HTRA1: variants seen among roughly 807,000 people sequenced by gnomAD.
HTRA1 encodes serine protease HTRA1.
HTRA1 carries 26 observed loss-of-function variants against 49.7 expected under a neutral mutation model. The ratio of observed to expected loss-of-function variants is 0.52; its 90% CI spans 0.38 to 0.73. The LOEUF is 0.73. Ranked by LOEUF, HTRA1 falls within the 30% of genes least tolerant of loss-of-function variation. HTRA1 has a pLI of 0.00. For synonymous variants in HTRA1, 291 were observed against 286.9 expected (o/e 1.01, Z -0.14); for missense variants, 561 against 667.2 (o/e 0.84, Z 1.75).
chr10:122,499,844 A>G (rs1362776119), intron 3 of HTRA1, among the ~76,000 whole-genome samples: 2 of 152,258 alleles, frequency 1.3e-5, no homozygotes, highest in African/African-American at 2.4e-5. Flanking sequence ...CAGTTGCTGC[A>G]ATGTTAGCCT....
At chr10:122,484,562 G>A (rs2097492321) in intron 1 of HTRA1, among the ~76,000 whole-genome samples, 1 of 152,220 alleles carries the variant, frequency 6.6e-6, no homozygotes, top group East Asian at 1.9e-4. Context: ...AGCTGCCACT[G>A]AGCAGCACTG....
intron 4 of HTRA1, 100 bp from the exon 5 acceptor site, chr10:122,507,270 C>G (rs1320538848): frequency 1.5e-5 from 14 of 928,804 alleles, no homozygotes; most frequent in Non-Finnish European, 2.5e-5. Context: ...AATCGTGCCC[C>G]CCACTCTAGG....
chr10:122,511,830 A>T, intron 7 of HTRA1, 140 bp from the exon 8 acceptor site: 1 of 671,980 alleles, frequency 1.5e-6, no homozygotes. Flanking sequence ...GGCAATTTTA[A>T]TTTTAAAATA....
intron 1 of HTRA1, among the ~76,000 whole-genome samples, chr10:122,473,943 T>C (rs1051623316): frequency 6.6e-6 from 1 of 152,200 alleles, no homozygotes; most frequent in African/African-American, 2.4e-5. Context: ...TTTTAAGGGA[T>C]ACAGGGAGAC....
chr10:122,489,012 C>A lies in HTRA1; in HGVS notation c.572+11C>A, dbSNP rs751034731. ...CGAATTGTTTCGCAAGTAAAGAGAGCCTTCCTTTTTCCTATAACCTCCGAA... is the reference window on the plus strand; with the variant it reads ...CGAATTGTTTCGCAAGTAAAGAGAGACTTCCTTTTTCCTATAACCTCCGAA... On this transcript the variant is annotated intron_variant, in intron 2 of 8. Transcript: ENST00000368984. 2 of 1,594,904 alleles carry A rather than the reference C, an allele frequency of 1.3e-6. No individual in the cohort carries two copies. The highest frequency in any genetic ancestry group is 1.7e-6 in the Non-Finnish European group (2 of 1,162,422).
intron 1 of HTRA1, among the ~76,000 whole-genome samples, chr10:122,484,978 C>A (rs1002450643): frequency 6.6e-6 from 1 of 152,220 alleles, no homozygotes; most frequent in East Asian, 1.9e-4. Context: ...AGACAGTTGA[C>A]CCACAGTTGA....
chr10:122,492,580 T>C (rs2097496376), intron 3 of HTRA1, among the ~76,000 whole-genome samples: 1 of 152,182 alleles, frequency 6.6e-6, no homozygotes. Flanking sequence ...GTGATCCACC[T>C]GCCTCAGCCT....
chr10:122,514,861 G>T lies in HTRA1; in HGVS notation c.*502G>T. On this transcript the variant is annotated 3_prime_UTR_variant, in exon 9 of 9. Transcript: ENST00000368984. ...TTTAGGAATCTCTTTGGAATTGGGA[G>T]CACGATGACTCTGAGTTTGAGCTAT... 1 of 195,248 alleles carries T rather than the reference G, an allele frequency of 5.1e-6. No individual in the cohort carries two copies. The highest frequency in any genetic ancestry group is 1.1e-5 in the Non-Finnish European group (1 of 93,944). The allele number at this position is 195,248 out of a possible 1,614,324, so 12.1% of individuals were successfully genotyped here. A position where few individuals can be genotyped will look rare whatever the true frequency, so the allele number is the denominator to read the frequency against.
chr10:122,497,922 A>G (rs1472943615), intron 3 of HTRA1, among the ~76,000 whole-genome samples: 1 of 152,210 alleles, frequency 6.6e-6, no homozygotes, highest in East Asian at 1.9e-4. Flanking sequence ...CTTGACCAAG[A>G]CAATATTATT....
intron 1 of HTRA1, among the ~76,000 whole-genome samples, chr10:122,476,908 C>A (rs2097488736): frequency 6.6e-6 from 1 of 151,866 alleles, no homozygotes; most frequent in Admixed American, 6.6e-5. Context: ...TCCTGGGAGT[C>A]CCATCTGGAT....
Position 122,506,937 on chromosome 10 carries a change from G to T in HTRA1, c.972+52G>T. 6.6e-7 allele frequency: 1 copy of T among 1,519,686 alleles called. No homozygotes were observed. The highest frequency in any genetic ancestry group is 9.1e-7 in the Non-Finnish European group (1 of 1,099,524). The allele number at this position is 1,519,686 out of a possible 1,614,324, so 94.1% of individuals were successfully genotyped here. A position where few individuals can be genotyped will look rare whatever the true frequency, so the allele number is the denominator to read the frequency against. On this transcript the variant is annotated intron_variant, in intron 4 of 8. Coordinates refer to ENST00000368984, the MANE Select transcript of HTRA1 (RefSeq NM_002775.5). The surrounding 1 kb of genome is among the most constrained non-coding windows in gnomAD (Gnocchi z 5.2). ...GGATTGGGGCAGAGTTTTGCCAGGG[G>T]GAGAGGAGTCAGCATAGGTCTTAGC...
rs955639571 is a variant in HTRA1 at position 122,461,565 on chromosome 10, T to A, written c.-88T>A. ...CGCGGCCGCGCGCACTCGCACCCGC[T>A]GCCCCCGAGGCCCTCCTGCACTCTC... On this transcript the variant is annotated 5_prime_UTR_variant, in exon 1 of 9. Coordinates refer to ENST00000368984, the MANE Select transcript of HTRA1 (RefSeq NM_002775.5). 8 of 727,464 alleles carry A rather than the reference T, an allele frequency of 1.1e-5. No homozygotes were observed. Among genetic ancestry groups the A allele is most frequent in the Admixed American group, 3.7e-5 (1 of 27,276 alleles). 45.1% of individuals were successfully genotyped at this position (727,464 alleles called of 1,614,324 possible).
At chr10:122,503,458 C>T (rs2133447264) in intron 3 of HTRA1, among the ~76,000 whole-genome samples, 1 of 152,294 alleles carries the variant, frequency 6.6e-6, no homozygotes, top group East Asian at 1.9e-4. Flanking sequence ...GGGCCGTGAC[C>T]CCCAAAAGGC....
intron 1 of HTRA1, among the ~76,000 whole-genome samples, chr10:122,472,688 C>T (rs2097486678): frequency 6.6e-6 from 1 of 152,170 alleles, no homozygotes; most frequent in African/African-American, 2.4e-5. Context: ...AGCTACCATG[C>T]CTGGCCTAAT....
At chr10:122,479,262 C>CG (rs2097489941) in intron 1 of HTRA1, among the ~76,000 whole-genome samples, 1 of 152,002 alleles carries the variant, frequency 6.6e-6, no homozygotes, top group South Asian at 2.1e-4. Flanking sequence ...GTGTGGGCTG[C>CG]GGGGGGCTGG....
At chr10:122,479,326 A>T (rs1368804402) in intron 1 of HTRA1, among the ~76,000 whole-genome samples, 1 of 152,170 alleles carries the variant, frequency 6.6e-6, no homozygotes, top group African/African-American at 2.4e-5. Flanking sequence ...GGAGCCAGAC[A>T]GATGGGGTTA....
chr10:122,466,173 CT>C (rs942714153), intron 1 of HTRA1, among the ~76,000 whole-genome samples: 24 of 149,608 alleles, frequency 1.6e-4, no homozygotes, highest in African/African-American at 4.7e-4. Context: ...GTAAAATTTA[CT>C]TTTTTTTTTG....
At chr10:122,501,273 C>T (rs533335336) in intron 3 of HTRA1, among the ~76,000 whole-genome samples, 1 of 152,312 alleles carries the variant, frequency 6.6e-6, no homozygotes, top group South Asian at 2.1e-4. Context: ...ATTCTGCTCC[C>T]ATCACCTGAA....
At chr10:122,472,125 G>C (rs1285926232) in intron 1 of HTRA1, among the ~76,000 whole-genome samples, 6 of 152,020 alleles carry the variant, frequency 3.9e-5, no homozygotes, top group Non-Finnish European at 7.4e-5. Flanking sequence ...TGTCTTTTCA[G>C]CTGTGGTTAG....
Sources: gnomAD v4.1 joint callset for allele counts (sites outside exome capture counted in the v4.1 genomes callset) on GRCh38, gnomAD v4.1.1 for gene constraint, Gnocchi (gnomAD v3.1) non-coding constraint, MANE v1.5 for transcripts, NCBI Gene and HGNC (gene_info 2026-07-23, HGNC 2026-07-21) for gene names.